CCSER1: variants seen among roughly 807,000 people sequenced by gnomAD.
CCSER1 encodes serine-rich coiled-coil domain-containing protein 1.
CCSER1 carries 41 observed loss-of-function variants against 82.0 expected under a neutral mutation model. That is an observed-to-expected ratio of 0.50 (90% CI 0.39 to 0.65). The LOEUF is 0.65. Ranked by LOEUF, CCSER1 falls within the 30% of genes least tolerant of loss-of-function variation. CCSER1 has a pLI of 0.00. For synonymous variants in CCSER1, 414 were observed against 383.9 expected (o/e 1.08, Z -0.92); for missense variants, 1,119 against 1,064.2 (o/e 1.05, Z -0.72).
intron 10 of CCSER1, among the ~76,000 whole-genome samples, chr4:91,388,892 G>A (rs796316165): frequency 9.1e-4 from 138 of 151,868 alleles, no homozygotes; most frequent in African/African-American, 3.1e-3. Context: ...ATCTTTTTTG[G>A]TGAGGTACGT....
At chr4:90,891,848 A>G (rs186340960) in intron 8 of CCSER1, among the ~76,000 whole-genome samples, 1 of 152,210 alleles carries the variant, frequency 6.6e-6, no homozygotes, top group East Asian at 1.9e-4. Flanking sequence ...ATACTGCTCT[A>G]AAGTTTTACT....
chr4:91,533,286 T>C (rs928506437), intron 10 of CCSER1, among the ~76,000 whole-genome samples: 1 of 152,186 alleles, frequency 6.6e-6, no homozygotes, highest in Non-Finnish European at 1.5e-5. Flanking sequence ...GTTAAACAAA[T>C]GTCTTCCGAC....
At chr4:90,656,702 A>G (rs1287552509) in intron 6 of CCSER1, among the ~76,000 whole-genome samples, 2 of 151,700 alleles carry the variant, frequency 1.3e-5, no homozygotes, top group African/African-American at 4.8e-5. Flanking sequence ...TTTGTTTTCT[A>G]TTTGTCCCTC....
chr4:90,692,891 C>T (rs1579962592), intron 6 of CCSER1, among the ~76,000 whole-genome samples: 1 of 152,018 alleles, frequency 6.6e-6, no homozygotes, highest in Non-Finnish European at 1.5e-5. Flanking sequence ...GGGCTTTTGG[C>T]TTTCAAAATT....
intron 10 of CCSER1, among the ~76,000 whole-genome samples, chr4:91,389,849 G>A (rs964038235): frequency 6.6e-6 from 1 of 151,894 alleles, no homozygotes; most frequent in African/African-American, 2.4e-5. Context: ...AATACAAATG[G>A]TTATGTGGTT....
chr4:90,373,385 T>C (rs1747776632), intron 3 of CCSER1, among the ~76,000 whole-genome samples: 1 of 152,172 alleles, frequency 6.6e-6, no homozygotes, highest in Non-Finnish European at 1.5e-5. Context: ...GGGATTAGTA[T>C]GTGGAAAATA....
At chr4:90,144,944 A>C (rs1725519383) in intron 1 of CCSER1, among the ~76,000 whole-genome samples, 1 of 152,142 alleles carries the variant, frequency 6.6e-6, no homozygotes, top group Non-Finnish European at 1.5e-5. Context: ...TAAATTAATT[A>C]CTGCTGAGTA....
chr4:90,389,807 T>A (rs1750672025), intron 3 of CCSER1, among the ~76,000 whole-genome samples: 1 of 152,212 alleles, frequency 6.6e-6, no homozygotes, highest in South Asian at 2.1e-4. Context: ...AAACAAGTAT[T>A]TTTTAATTTC....
chr4:90,916,192 A>C (rs1219292724), intron 8 of CCSER1, among the ~76,000 whole-genome samples: 1 of 152,148 alleles, frequency 6.6e-6, no homozygotes, highest in African/African-American at 2.4e-5. Flanking sequence ...ACCAAAAAAG[A>C]GCCCGCATTG....
intron 9 of CCSER1, among the ~76,000 whole-genome samples, chr4:90,941,939 CGTTT>C (rs1731640455): frequency 1.3e-5 from 2 of 149,044 alleles, no homozygotes; most frequent in African/African-American, 5.0e-5. Flanking sequence ...ATTTTTTTTT[CGTTT>C]GTTTGTTTTG....
intron 10 of CCSER1, 140 bp downstream of exon 10, chr4:91,086,134 G>T: frequency 3.4e-6 from 2 of 582,912 alleles, no homozygotes; most frequent in Non-Finnish European, 6.2e-6. Context: ...TCTGCATATG[G>T]CTCTGTTCAT....
chr4:91,353,030 G>T (rs1458254977), intron 10 of CCSER1, among the ~76,000 whole-genome samples: 2 of 152,178 alleles, frequency 1.3e-5, no homozygotes, highest in Non-Finnish European at 2.9e-5. Context: ...ACAGAGACAA[G>T]AATGGAGAGA....
intron 10 of CCSER1, among the ~76,000 whole-genome samples, chr4:91,207,272 G>A (rs1379866817): frequency 6.6e-6 from 1 of 151,662 alleles, no homozygotes; most frequent in Non-Finnish European, 1.5e-5. Context: ...CTTGTGACTC[G>A]TGGACTTGGT....
intron 5 of CCSER1, among the ~76,000 whole-genome samples, chr4:90,518,295 G>T (rs952206426): frequency 6.6e-6 from 1 of 152,164 alleles, no homozygotes; most frequent in East Asian, 1.9e-4. Context: ...CCAACAGCTT[G>T]TTCCTAAGAA....
At chr4:90,279,993 T>C (rs1358581400) in intron 1 of CCSER1, among the ~76,000 whole-genome samples, 2 of 152,018 alleles carry the variant, frequency 1.3e-5, no homozygotes, top group African/African-American at 4.8e-5. Context: ...ATAAAAATGA[T>C]AGGAGTTAAG....
At chr4:91,362,480 T>A (rs1749314252) in intron 10 of CCSER1, among the ~76,000 whole-genome samples, 1 of 151,878 alleles carries the variant, frequency 6.6e-6, no homozygotes, top group African/African-American at 2.4e-5. Flanking sequence ...CTAGTTTATA[T>A]ATGTATAAGA....
intron 1 of CCSER1, among the ~76,000 whole-genome samples, chr4:90,162,151 C>A (rs1013109022): frequency 6.6e-6 from 1 of 152,070 alleles, no homozygotes; most frequent in African/African-American, 2.4e-5. Flanking sequence ...GGCTTATGTT[C>A]TTTTTGCCTC....
intron 5 of CCSER1, among the ~76,000 whole-genome samples, chr4:90,483,019 AG>A (rs950190842): frequency 1.8e-4 from 28 of 152,278 alleles, no homozygotes; most frequent in African/African-American, 6.5e-4. Context: ...GTCACTTTGT[AG>A]GTCACTAAGT....
intron 10 of CCSER1, among the ~76,000 whole-genome samples, chr4:91,535,787 ATGAAGCT>A (rs1761267923): frequency 6.6e-6 from 1 of 152,082 alleles, no homozygotes; most frequent in Non-Finnish European, 1.5e-5. Flanking sequence ...AATCCTTGTA[ATGAAGCT>A]TGAATTTTAA....
Sources: gnomAD v4.1 joint callset for allele counts (sites outside exome capture counted in the v4.1 genomes callset) on GRCh38, gnomAD v4.1.1 for gene constraint, MANE v1.5 for transcripts, NCBI Gene and HGNC (gene_info 2026-07-23, HGNC 2026-07-21) for gene names.